Variants in ZNF48 observed in about 807,000 individuals in gnomAD.
The protein encoded by ZNF48 is zinc finger protein 48.
ZNF48 carries 20 observed loss-of-function variants against 40.0 expected under a neutral mutation model. The ratio of observed to expected loss-of-function variants is 0.50; its 90% CI spans 0.35 to 0.73. ZNF48 has a LOEUF of 0.73. Ranked by LOEUF, ZNF48 falls within the 30% of genes least tolerant of loss-of-function variation. The pLI, the probability that ZNF48 is intolerant of heterozygous loss-of-function variation, is 0.01. For synonymous variants in ZNF48, 298 were observed against 329.7 expected (o/e 0.90, Z 1.04); for missense variants, 726 against 851.9 (o/e 0.85, Z 1.84).
At chr16:30,380,078 G>A (rs1182536486) in intron 1 of ZNF48, 2 of 1,516,574 alleles carry the variant, frequency 1.3e-6, no homozygotes, top group African/African-American at 1.4e-5. Context: ...GGGCCACAAT[G>A]ACAGACATTT....
intron 1 of ZNF48, chr16:30,379,467 C>G (rs761882617): frequency 4.3e-6 from 7 of 1,613,944 alleles, no homozygotes; most frequent in Non-Finnish European, 5.9e-6. Context: ...GCGGCGTCCC[C>G]TCACCGGCCG....
At chr16:30,392,460 G>A (rs1161938506), upstream of ZNF48, among the ~76,000 whole-genome samples, 1 of 152,150 alleles carries the variant, frequency 6.6e-6, no homozygotes, top group Non-Finnish European at 1.5e-5. Context: ...CCCATATTAG[G>A]TTTTCAATTA....
chr16:30,378,624 C>G (rs766212898), intron 1 of ZNF48: 5 of 1,611,144 alleles, frequency 3.1e-6, no homozygotes, highest in African/African-American at 1.3e-5. Context: ...TCGTCTTTCT[C>G]GCGGATCAGC....
chr16:30,392,278 A>C (rs1482374870), upstream of ZNF48, among the ~76,000 whole-genome samples: 5 of 152,036 alleles, frequency 3.3e-5, no homozygotes, highest in Non-Finnish European at 7.4e-5. Context: ...CCACATCGGC[A>C]TCCCAAAGTG....
chr16:30,393,078 CT>C (rs879545434), upstream of ZNF48, among the ~76,000 whole-genome samples: 244 of 146,988 alleles, frequency 1.7e-3, 1 homozygote, highest in African/African-American at 4.1e-3. Context: ...CCATATAACT[CT>C]TTTTTTTTTT....
rs1440682145 is a variant in ZNF48 at position 30,397,907 on chromosome 16, C to T, written c.657C>T (p.Pro219=). 4.3e-6 allele frequency: 7 copies of T among 1,613,036 alleles called. No individual in the cohort carries two copies. The highest frequency in any genetic ancestry group is 1.6e-4 in the Middle Eastern group (1 of 6,080). Residue 219 remains proline (P), a synonymous_variant, in exon 3 of 3, where the codon CCC becomes CCT. Transcript: ENST00000613509. This position sits in a 1 kb window ranked among gnomAD's most constrained non-coding sequence, Gnocchi z 4.1. The part of the protein sequence containing the change: ...KHQRTHTGEK[P]YKCGICGKGF... ...AGCGGACACACACTGGTGAGAAGCC[C>T]TACAAGTGTGGCATATGTGGCAAGG...
rs1890522591 is a variant in ZNF48 at position 30,381,126 on chromosome 16, CCTT to C, written c.-16+2719_-16+2721del. ...CAAAGGTCAGAGGTCATCACTCACA[CCTT>C]CTGCTTGAGGGCCTGGGTTTCCTGG... On this transcript the variant is annotated intron_variant, in intron 1 of 2. Coordinates refer to the ZNF48 transcript ENST00000528032. This position sits in a 1 kb window ranked among gnomAD's most constrained non-coding sequence, Gnocchi z 4.3. 1 of 1,611,290 alleles carries C rather than the reference CCTT, an allele frequency of 6.2e-7. No individual in the cohort carries two copies.
chr16:30,393,367 C>T (rs1029895726), upstream of ZNF48, among the ~76,000 whole-genome samples: 35 of 151,920 alleles, frequency 2.3e-4, no homozygotes, highest in African/African-American at 7.0e-4. Flanking sequence ...TGAGGCACCA[C>T]ACCCGGCCTT....
rs951519589 is a variant in ZNF48, at chr16:30,379,270, G to A, written c.-16+860G>A. ...AGGGTCGGGTCTACAGGAAAGTCCTGCTGCCACTCTAGCGGAGGGTCCGCG... is the reference window on the plus strand; with the variant it reads ...AGGGTCGGGTCTACAGGAAAGTCCTACTGCCACTCTAGCGGAGGGTCCGCG... On this transcript the variant is annotated intron_variant, in intron 1 of 2. Coordinates refer to the ZNF48 transcript ENST00000528032. 17 of 1,543,424 alleles carry A rather than the reference G, an allele frequency of 1.1e-5. No individual in the cohort carries two copies. In the African/African-American group the frequency reaches 2.2e-4, roughly 20 times the overall value.
At chr16:30,395,316 C>A (rs1346840961), upstream of ZNF48, 1 of 453,812 alleles carries the variant, frequency 2.2e-6, no homozygotes, top group South Asian at 1.6e-5. This position sits in a 1 kb window ranked among gnomAD's most constrained non-coding sequence, Gnocchi z 5.9. Flanking sequence ...ACGCTGCCGC[C>A]CGCCGGCCAC....
At chr16:30,395,082 C>G (rs775860326), upstream of ZNF48, 45 of 385,312 alleles carry the variant, frequency 1.2e-4, no homozygotes, top group Non-Finnish European at 2.2e-4. The surrounding 1 kb of genome is among the most constrained non-coding windows in gnomAD (Gnocchi z 5.9). Flanking sequence ...CTCCCCCACC[C>G]CTTTCCCCGG....
chr16:30,381,327 C>G lies in ZNF48; in HGVS notation c.-16+2917C>G. On this transcript the variant is annotated intron_variant, in intron 1 of 2. Transcript: ENST00000528032. The surrounding 1 kb of genome is among the most constrained non-coding windows in gnomAD (Gnocchi z 4.3). ...CCTAAATGCGCCAGCCCCCAGGATC[C>G]CCCCACCAGACCCCCGGCCGAAGGG... 1 of 1,612,654 alleles carries G rather than the reference C, an allele frequency of 6.2e-7. No homozygotes were observed. The highest frequency in any genetic ancestry group is 8.5e-7 in the Non-Finnish European group (1 of 1,179,142).
rs769990472 is a variant in ZNF48 at position 30,398,771 on chromosome 16, G to T, written c.1521G>T (p.Arg507=). ...HLRTHRGERA[R]PPPPSTLLRP... ...GCACCCACCGTGGTGAACGGGCCCG[G>T]CCACCACCACCATCCACTCTGCTGC... Residue 507 remains arginine, a synonymous_variant, in exon 3 of 3, where the codon CGG becomes CGT. Transcript: ENST00000613509. The surrounding 1 kb of genome is among the most constrained non-coding windows in gnomAD (Gnocchi z 6.6). 4.3e-6 allele frequency: 7 copies of T among 1,613,424 alleles called. No homozygotes were observed. Among genetic ancestry groups the T allele is most frequent in the Non-Finnish European group, 5.9e-6 (7 of 1,179,996 alleles).
rs1368407037 is a variant in ZNF48, at chr16:30,382,307, T to C, written c.-16+3897T>C. The C allele has an allele frequency of 6.2e-7, 1 of 1,613,770 alleles. No individual in the cohort carries two copies. The highest frequency in any genetic ancestry group is 8.5e-7 in the Non-Finnish European group (1 of 1,179,862). On this transcript the variant is annotated intron_variant, in intron 1 of 2. Coordinates refer to the ZNF48 transcript ENST00000528032. This position sits in a 1 kb window ranked among gnomAD's most constrained non-coding sequence, Gnocchi z 4.8. ...CATTAGCGTGAAGTCAAACCCCTTCTTGACAGACTTGCGGTGCAGCTGGTT... is the reference window on the plus strand; with the variant it reads ...CATTAGCGTGAAGTCAAACCCCTTCCTGACAGACTTGCGGTGCAGCTGGTT...
intron 1 of ZNF48, among the ~76,000 whole-genome samples, chr16:30,384,926 C>T (rs1339500382): frequency 2.0e-5 from 3 of 152,016 alleles, no homozygotes; most frequent in African/African-American, 7.3e-5. Context: ...CCTGTAATCC[C>T]AGCACTTTGG....
At chr16:30,383,379 C>T (rs1453098623) in intron 1 of ZNF48, among the ~76,000 whole-genome samples, 2 of 152,098 alleles carry the variant, frequency 1.3e-5, no homozygotes, top group East Asian at 3.9e-4. Flanking sequence ...TTAGTAGAGA[C>T]GAGATTTCAC....
At chr16:30,392,488 TATTCAGCCCCCACTGCCTGGAGTTGTTC>T (rs909089408), upstream of ZNF48, among the ~76,000 whole-genome samples, 2 of 152,174 alleles carry the variant, frequency 1.3e-5, no homozygotes, top group South Asian at 2.1e-4. Flanking sequence ...GCCCACTGTT[TATTCAGCCCCCACTGCCTGGAGTTGTTC>T]ATTCAGCCCC....
chr16:30,395,243 G>A (rs1208972859), upstream of ZNF48: 1 of 456,134 alleles, frequency 2.2e-6, no homozygotes, highest in Non-Finnish European at 4.4e-6. The surrounding 1 kb of genome is among the most constrained non-coding windows in gnomAD (Gnocchi z 5.9). Flanking sequence ...AGCCCAGGAG[G>A]CACACGGTTA....
chr16:30,399,313 G>T lies in ZNF48; in HGVS notation c.*206G>T. 1 of 534,936 alleles carries T rather than the reference G, an allele frequency of 1.9e-6. No homozygotes were observed. Among genetic ancestry groups the T allele is most frequent in the Non-Finnish European group, 3.2e-6 (1 of 308,514 alleles). 33.1% of individuals were successfully genotyped at this position (534,936 alleles called of 1,614,324 possible). On this transcript the variant is annotated 3_prime_UTR_variant, in exon 3 of 3. Coordinates refer to ENST00000613509, the MANE Select transcript of ZNF48 (RefSeq NM_001214909.2). ...CTGAGTCAGGACCTTGCCAGGACGG[G>T]CTGTACCCCTGGCTTCTAGAAGACT...
Sources: gnomAD v4.1 joint callset for allele counts (sites outside exome capture counted in the v4.1 genomes callset) on GRCh38, gnomAD v4.1.1 for gene constraint, Gnocchi (gnomAD v3.1) non-coding constraint, MANE v1.5 for transcripts, NCBI Gene and HGNC (gene_info 2026-07-23, HGNC 2026-07-21) for gene names.